SLC16A3: variants seen among roughly 807,000 people sequenced by gnomAD.
SLC16A3 encodes solute carrier family 16 member 3.
A neutral mutation model predicts 25.0 loss-of-function variants in SLC16A3; 22 were observed. The observed-to-expected ratio is 0.88, with a 90% CI of 0.63 to 1.26. The LOEUF (loss-of-function observed/expected upper bound fraction) is 1.26, where lower values mean the gene tolerates loss of function less well. Among genes scored for constraint, SLC16A3 ranks in the 50% most tolerant of loss-of-function variants. SLC16A3 has a pLI of 0.00. For missense variants in SLC16A3, 731 were observed against 666.6 expected (o/e 1.10, Z -1.06); for synonymous variants, 390 against 309.2 (o/e 1.26, Z -2.74).
upstream of SLC16A3, among the ~76,000 whole-genome samples, chr17:82,227,188 C>G (rs1324147030): frequency 6.6e-6 from 1 of 152,140 alleles, no homozygotes; most frequent in Non-Finnish European, 1.5e-5. Context: ...GATGACTGGG[C>G]GTCTTCCCAG....
At chr17:82,235,927 G>T in intron 1 of SLC16A3, 56 bp from the exon 2 acceptor site, 1 of 1,246,346 alleles carries the variant, frequency 8.0e-7, no homozygotes, top group Non-Finnish European at 1.1e-6. Flanking sequence ...TCCCCTGCCA[G>T]GCTGCAGCTG....
At chr17:82,219,074 G>A (rs896335287) in intron 1 of SLC16A3, among the ~76,000 whole-genome samples, 34 of 152,178 alleles carry the variant, frequency 2.2e-4, no homozygotes, top group Admixed American at 6.5e-4. Context: ...CCTAAGGACC[G>A]TGAGAGTGGA....
intron 1 of SLC16A3, chr17:82,233,997 C>CAT (rs1568535899): frequency 4.6e-5 from 7 of 152,296 alleles, no homozygotes; most frequent in South Asian, 2.1e-4. Context: ...CCTGCCACTG[C>CAT]GCCCAGCTAA....
At chr17:82,218,479 C>T (rs918782675) in intron 1 of SLC16A3, among the ~76,000 whole-genome samples, 3 of 148,824 alleles carry the variant, frequency 2.0e-5, no homozygotes, top group Non-Finnish European at 4.5e-5. Context: ...ACGGCCAAGG[C>T]GAGCCCAGGA....
chr17:82,229,547 G>C (rs536034270), intron 1 of SLC16A3: 1 of 152,350 alleles, frequency 6.6e-6, no homozygotes, highest in South Asian at 2.1e-4. Flanking sequence ...GAGCACTTGC[G>C]CTCGGGCCGT....
chr17:82,238,595 C>A (rs891744705), intron 4 of SLC16A3, 107 bp from the exon 5 acceptor site: 2 of 1,165,334 alleles, frequency 1.7e-6, no homozygotes, highest in Non-Finnish European at 2.3e-6. Flanking sequence ...CAGAGGCAGA[C>A]AGGGTGACCC....
At chr17:82,230,876 G>GC (rs1568533646) in intron 1 of SLC16A3, 1 of 152,250 alleles carries the variant, frequency 6.6e-6, no homozygotes, top group African/African-American at 2.4e-5. Context: ...CAACGGAACC[G>GC]AACCGCCGGG....
At chr17:82,228,303 A>C (rs2050440455), upstream of SLC16A3, 2 of 152,096 alleles carry the variant, frequency 1.3e-5, no homozygotes, top group Admixed American at 6.5e-5. Flanking sequence ...CGAAGGTGGG[A>C]GCCGCCCCGG....
At chr17:82,220,779 C>G (rs1454276055) in intron 1 of SLC16A3, among the ~76,000 whole-genome samples, 1 of 152,056 alleles carries the variant, frequency 6.6e-6, no homozygotes, top group Non-Finnish European at 1.5e-5. Context: ...GAGCTAATAT[C>G]ACAAAACTCT....
chr17:82,220,270 C>T (rs555109660), intron 1 of SLC16A3, among the ~76,000 whole-genome samples: 1 of 152,284 alleles, frequency 6.6e-6, no homozygotes, highest in South Asian at 2.1e-4. Context: ...CCATGTCTAC[C>T]ACTGAGGCCT....
chr17:82,234,039 A>C (rs1056338566), intron 1 of SLC16A3: 2 of 126,172 alleles, frequency 1.6e-5, no homozygotes, highest in Non-Finnish European at 3.6e-5. Context: ...ACGGGGTTTC[A>C]CCGTGTTAGC....
chr17:82,221,334 CG>C (rs1381928156), intron 1 of SLC16A3, among the ~76,000 whole-genome samples: 7 of 151,994 alleles, frequency 4.6e-5, no homozygotes, highest in African/African-American at 1.7e-4. Context: ...CTGAGGCAGG[CG>C]AGTCACTTCA....
chr17:82,229,732 G>A (rs6502090), intron 1 of SLC16A3: 103,888 of 152,238 alleles, frequency 0.68, 35,817 homozygotes, highest in East Asian at 0.93. Context: ...GGAAAACCAG[G>A]CGCAGCCTTT....
chr17:82,235,496 C>T (rs369484163), intron 1 of SLC16A3: 5 of 165,014 alleles, frequency 3.0e-5, no homozygotes, highest in East Asian at 1.7e-4. Context: ...GAGCAAGGCA[C>T]GCTCCACCTA....
chr17:82,229,441 A>C (rs1160420081), intron 1 of SLC16A3: 1 of 152,286 alleles, frequency 6.6e-6, no homozygotes, highest in Non-Finnish European at 1.5e-5. Context: ...CGGTCCGGGT[A>C]TAAATAGCTC....
chr17:82,226,673 G>A (rs925789687), upstream of SLC16A3, among the ~76,000 whole-genome samples: 4 of 152,134 alleles, frequency 2.6e-5, no homozygotes, highest in African/African-American at 9.7e-5. Context: ...CCTGGTGCCA[G>A]GCCTGGAATG....
chr17:82,232,959 G>A lies in SLC16A3; in HGVS notation c.-26-3024G>A, dbSNP rs2050524719. 1.3e-5 allele frequency among the ~76,000 whole-genome samples: 2 copies of A among 148,932 alleles called. 1 individual carries two copies. The highest frequency in any genetic ancestry group is 4.2e-4 in the South Asian group (2 of 4,714). ...AAATGTCAGGGGAAGGCCAGCCTGT[G>A]GCGTGTGCCCACGGAGAGGCCAATG... On this transcript the variant is annotated intron_variant, in intron 1 of 4. Coordinates refer to ENST00000582743, the MANE Select transcript of SLC16A3 (RefSeq NM_004207.4).
At chr17:82,238,645 C>T (rs532768848) in intron 4 of SLC16A3, 57 bp from the exon 5 acceptor site, 21 of 1,534,946 alleles carry the variant, frequency 1.4e-5, no homozygotes, top group East Asian at 7.0e-5. Flanking sequence ...TGGGTGGAGC[C>T]GTGGGCCCTG....
chr17:82,227,189 G>A (rs1050838007), upstream of SLC16A3, among the ~76,000 whole-genome samples: 7 of 152,178 alleles, frequency 4.6e-5, no homozygotes, highest in African/African-American at 7.2e-5. Context: ...ATGACTGGGC[G>A]TCTTCCCAGC....
Sources: gnomAD v4.1 joint callset for allele counts (sites outside exome capture counted in the v4.1 genomes callset) on GRCh38, gnomAD v4.1.1 for gene constraint, MANE v1.5 for transcripts, NCBI Gene and HGNC (gene_info 2026-07-23, HGNC 2026-07-21) for gene names.